The following PDE1C variants were observed in gnomAD, a reference collection of about 807,000 sequenced individuals.
The protein encoded by PDE1C is dual specificity calcium/calmodulin-dependent 3',5'-cyclic nucleotide phosphodiesterase 1C.
PDE1C carries 62 observed loss-of-function variants against 93.1 expected under a neutral mutation model. That is an observed-to-expected ratio of 0.67 (90% CI 0.54 to 0.82). The LOEUF is 0.82. Ranked by LOEUF, PDE1C falls within the 40% of genes least tolerant of loss-of-function variation. PDE1C has a pLI of 0.00. For missense variants in PDE1C, 742 were observed against 884.6 expected (o/e 0.84, Z 2.04); for synonymous variants, 325 against 310.1 (o/e 1.05, Z -0.50).
chr7:32,340,452 A>G (rs1783725965), intron 1 of PDE1C, among the ~76,000 whole-genome samples: 1 of 152,146 alleles, frequency 6.6e-6, no homozygotes, highest in East Asian at 1.9e-4. Flanking sequence ...AGGATGGAGA[A>G]CTGATACCAT....
the PDE1C span, chr7:31,642,642 C>T: frequency 6.3e-7 from 1 of 1,579,156 alleles, no homozygotes; most frequent in Admixed American, 1.7e-5. Context: ...GCCTCCTCCA[C>T]TTCCTGACCT....
chr7:32,163,008 T>G (rs1802015639), intron 3 of PDE1C, among the ~76,000 whole-genome samples: 1 of 152,178 alleles, frequency 6.6e-6, no homozygotes, highest in Admixed American at 6.5e-5. Context: ...CAATAAAAAC[T>G]TCTCTAGGCT....
At chr7:31,898,637 G>C (rs949934843) in intron 2 of PDE1C, among the ~76,000 whole-genome samples, 2 of 152,072 alleles carry the variant, frequency 1.3e-5, no homozygotes, top group African/African-American at 4.8e-5. Context: ...ATTTGATTAA[G>C]ACAAAATTCA....
chr7:31,863,838 A>G (rs1794959987), intron 7 of PDE1C, among the ~76,000 whole-genome samples: 1 of 152,164 alleles, frequency 6.6e-6, no homozygotes, highest in African/African-American at 2.4e-5. Context: ...CAAGTAATTT[A>G]TCATAGGTCA....
intron 2 of PDE1C, among the ~76,000 whole-genome samples, chr7:31,954,253 T>G (rs181521657): frequency 2.6e-5 from 4 of 152,276 alleles, no homozygotes; most frequent in African/African-American, 4.8e-5. Context: ...ACCAAGAACC[T>G]TATCTCTCTC....
chr7:32,003,488 T>C (rs913271543), intron 2 of PDE1C, among the ~76,000 whole-genome samples: 1 of 152,238 alleles, frequency 6.6e-6, no homozygotes, highest in African/African-American at 2.4e-5. Flanking sequence ...ATGCTTATTG[T>C]CTTTAAATAT....
At chr7:31,812,079 T>C (rs966546700) in intron 15 of PDE1C, among the ~76,000 whole-genome samples, 1 of 152,178 alleles carries the variant, frequency 6.6e-6, no homozygotes, top group Non-Finnish European at 1.5e-5. Context: ...AGAGACTTTC[T>C]GTGCAGTTAT....
At chr7:32,244,667 A>G (rs1221217152) in intron 1 of PDE1C, among the ~76,000 whole-genome samples, 1 of 152,188 alleles carries the variant, frequency 6.6e-6, no homozygotes, top group Non-Finnish European at 1.5e-5. Context: ...GCCTCCACAC[A>G]TCTTCCCATC....
At chr7:31,963,139 AAAAAT>A (rs1357448423) in intron 2 of PDE1C, among the ~76,000 whole-genome samples, 5 of 152,214 alleles carry the variant, frequency 3.3e-5, no homozygotes. Context: ...CATCATTAAT[AAAAAT>A]AAAAGAACTG....
intron 12 of PDE1C, among the ~76,000 whole-genome samples, chr7:31,825,978 C>T (rs1297058341): frequency 6.6e-6 from 1 of 152,082 alleles, no homozygotes; most frequent in African/African-American, 2.4e-5. Context: ...GGGCTCAGGC[C>T]TAGAACTATA....
At chr7:32,050,159 A>T (rs1793156104) in intron 2 of PDE1C, among the ~76,000 whole-genome samples, 2 of 152,228 alleles carry the variant, frequency 1.3e-5, no homozygotes, top group Admixed American at 1.3e-4. Flanking sequence ...AAGCAATAGG[A>T]ATTTTTTAGC....
At chr7:32,414,074 G>T (rs1178069704) in intron 1 of PDE1C, among the ~76,000 whole-genome samples, 2 of 151,834 alleles carry the variant, frequency 1.3e-5, no homozygotes, top group East Asian at 1.9e-4. Flanking sequence ...TTAGCCAGGC[G>T]TGGTGGTGTG....
the PDE1C span, among the ~76,000 whole-genome samples, chr7:31,621,281 G>T: frequency 8.9e-5 from 8 of 90,296 alleles, no homozygotes; most frequent in Non-Finnish European, 1.8e-4. Flanking sequence ...TCCTCGAGAA[G>T]AGCAACTCCA....
chr7:32,129,523 A>C (rs1799804976), intron 3 of PDE1C, among the ~76,000 whole-genome samples: 6 of 123,828 alleles, frequency 4.8e-5, no homozygotes, highest in African/African-American at 1.2e-4. Context: ...CATAATTTCA[A>C]ATTTGTTAAA....
chr7:31,712,285 A>ACT, the PDE1C span, among the ~76,000 whole-genome samples: 1 of 140,240 alleles, frequency 7.1e-6, no homozygotes, highest in Non-Finnish European at 1.5e-5. Flanking sequence ...TGAGTGAGTG[A>ACT]GTGAATGAAT....
In PDE1C at chr7:31,914,922, A is replaced by G. The variant is rs114596159; in HGVS notation, c.129-34062T>C. Among the ~76,000 whole-genome samples, 548 of 152,300 alleles carry G rather than the reference A, an allele frequency of 3.6e-3. 2 individuals carry two copies. Among genetic ancestry groups the G allele is most frequent in the African/African-American group, 0.012 (505 of 41,574 alleles). On this transcript the variant is annotated intron_variant, in intron 2 of 17. Coordinates refer to ENST00000396191, the MANE Select transcript of PDE1C (RefSeq NM_001191057.4). ...TCACAGAAGGACCACTTATGCGACA[A>G]TGATGTTTTCTCATCTGCCCCCAAT...
chr7:31,705,746 G>A, the PDE1C span, among the ~76,000 whole-genome samples: 28 of 151,990 alleles, frequency 1.8e-4, no homozygotes, highest in South Asian at 1.5e-3. Context: ...ACTGGAAGGC[G>A]TCTCATTATG....
chr7:32,092,198 T>C (rs1563305629), intron 3 of PDE1C, among the ~76,000 whole-genome samples: 2 of 151,848 alleles, frequency 1.3e-5, no homozygotes, highest in Admixed American at 6.6e-5. Flanking sequence ...TTACTCTGTG[T>C]AGCCTGTTAG....
chr7:31,967,176 T>G (rs578250624), intron 2 of PDE1C, among the ~76,000 whole-genome samples: 1 of 152,194 alleles, frequency 6.6e-6, no homozygotes, highest in Admixed American at 6.5e-5. Context: ...CAGGAGCTGC[T>G]TTTTTGAAAC....
Sources: gnomAD v4.1 joint callset for allele counts (sites outside exome capture counted in the v4.1 genomes callset) on GRCh38, gnomAD v4.1.1 for gene constraint, MANE v1.5 for transcripts, NCBI Gene and HGNC (gene_info 2026-07-23, HGNC 2026-07-21) for gene names.